The following MICAL2 variants were observed in gnomAD, a reference collection of about 807,000 sequenced individuals.
MICAL2 encodes the protein microtubule associated monooxygenase, calponin and LIM domain containing 2.
Under a neutral mutation model 127.3 loss-of-function variants are expected in MICAL2, and 77 were observed. That is an observed-to-expected ratio of 0.60 (90% CI 0.50 to 0.73). The LOEUF (loss-of-function observed/expected upper bound fraction) is 0.73, where lower values mean the gene tolerates loss of function less well. Among genes scored for constraint, MICAL2 ranks in the 30% least tolerant of loss-of-function variants. The probability of loss-of-function intolerance (pLI) is 0.00; values close to 1 mark genes in which losing one functional copy is unlikely to be tolerated. For missense variants in MICAL2, 1,351 were observed against 1,434.4 expected, an observed-to-expected ratio of 0.94 and a Z score of 0.94; for synonymous variants, 570 against 551.1, an observed-to-expected ratio of 1.03 and a Z score of -0.48.
chr11:12,301,268 G>A (rs983746444), intron 29 of MICAL2, among the ~76,000 whole-genome samples: 6 of 152,218 alleles, frequency 3.9e-5, no homozygotes, highest in Middle Eastern at 3.4e-3. Context: ...GATTTGGGTG[G>A]GTACACAGCC....
chr11:12,257,758 T>C (rs1156915540), intron 24 of MICAL2, among the ~76,000 whole-genome samples: 1 of 152,186 alleles, frequency 6.6e-6, no homozygotes. Flanking sequence ...TGGCATACAG[T>C]CATTCCTATG....
intron 17 of MICAL2, 136 bp from the exon 18 acceptor site, chr11:12,240,904 C>T: frequency 8.6e-7 from 1 of 1,162,714 alleles, no homozygotes; most frequent in Non-Finnish European, 1.2e-6. Flanking sequence ...GGGAGCTCAG[C>T]CCAGTGCTTC....
chr11:12,345,071 C>A (rs1448500306), intron 32 of MICAL2, among the ~76,000 whole-genome samples: 1 of 150,344 alleles, frequency 6.7e-6, no homozygotes, highest in Non-Finnish European at 1.5e-5. Flanking sequence ...GAGATTGCGC[C>A]ACTGCACTCC....
At chr11:12,345,271 T>A (rs1481045279) in intron 32 of MICAL2, among the ~76,000 whole-genome samples, 1 of 152,230 alleles carries the variant, frequency 6.6e-6, no homozygotes, top group Non-Finnish European at 1.5e-5. Context: ...GTAGTGCCAA[T>A]GAACATGACA....
At chr11:12,114,048 C>T (rs975020062) in intron 1 of MICAL2, among the ~76,000 whole-genome samples, 1 of 152,178 alleles carries the variant, frequency 6.6e-6, no homozygotes, top group Admixed American at 6.5e-5. Context: ...GGATGTATTG[C>T]AGTCCTCTCT....
chr11:12,168,448 CCA>C (rs2133854808), intron 3 of MICAL2, among the ~76,000 whole-genome samples: 1 of 151,222 alleles, frequency 6.6e-6, no homozygotes, highest in African/African-American at 2.4e-5. Flanking sequence ...CATACACACA[CCA>C]CACACACGTA....
intron 3 of MICAL2, among the ~76,000 whole-genome samples, chr11:12,194,118 A>G (rs147408178): frequency 3.9e-5 from 6 of 152,332 alleles, no homozygotes; most frequent in Admixed American, 2.0e-4. Context: ...AATGTTTGTC[A>G]TTGGGTAGAT....
chr11:12,354,054 G>A (rs1565313972), intron 33 of MICAL2, among the ~76,000 whole-genome samples: 1 of 152,172 alleles, frequency 6.6e-6, no homozygotes, highest in African/African-American at 2.4e-5. Flanking sequence ...GGTCTGGATG[G>A]CCTTCCAAAG....
chr11:12,219,544 A>G lies in MICAL2; in HGVS notation c.949-657A>G, dbSNP rs1295107920. On this transcript the variant is annotated intron_variant, in intron 8 of 27. Coordinates refer to ENST00000683283, the MANE Select transcript of MICAL2 (RefSeq NM_001282663.2). ...ACTCCATCTCAAAAAAAAAAAAAAA[A>G]AAAAAAAAAAAGCTACGCTGTGAGA... Among the ~76,000 whole-genome samples, 9 of 151,342 alleles carry G rather than the reference A, an allele frequency of 5.9e-5. 1 individual carries two copies. The highest frequency in any genetic ancestry group is 8.9e-5 in the Non-Finnish European group (6 of 67,760).
At chr11:12,361,023 G>C (rs1939197473), downstream of MICAL2, among the ~76,000 whole-genome samples, 1 of 152,122 alleles carries the variant, frequency 6.6e-6, no homozygotes. Flanking sequence ...TTCTTTGTAT[G>C]CAATATGAGT....
intron 20 of MICAL2, 97 bp from the exon 21 acceptor site, chr11:12,243,890 C>A: frequency 6.9e-7 from 1 of 1,457,384 alleles, no homozygotes; most frequent in African/African-American, 1.4e-5. Flanking sequence ...TCTTTGCCTT[C>A]TTGAGTGCAC....
At chr11:12,165,408 G>T (rs111446701) in intron 3 of MICAL2, among the ~76,000 whole-genome samples, 5 of 152,222 alleles carry the variant, frequency 3.3e-5, no homozygotes, top group African/African-American at 1.2e-4. Context: ...GCATCCTTTG[G>T]TGTCATGGTT....
chr11:12,313,161 A>G (rs11022297), intron 29 of MICAL2, among the ~76,000 whole-genome samples: 1 of 128,446 alleles, frequency 7.8e-6, no homozygotes, highest in Non-Finnish European at 1.6e-5. Context: ...GAGCAAGACT[A>G]CATCTCAAAA....
upstream of MICAL2, among the ~76,000 whole-genome samples, chr11:12,272,043 C>T (rs1408089447): frequency 1.3e-5 from 2 of 152,236 alleles, no homozygotes; most frequent in Non-Finnish European, 2.9e-5. Flanking sequence ...GCCCTCCACC[C>T]TCCTGGAGCC....
At chr11:12,260,037 C>G in intron 26 of MICAL2, 140 bp downstream of exon 26, 8 of 1,543,694 alleles carry the variant, frequency 5.2e-6, no homozygotes, top group South Asian at 1.2e-5. Context: ...GCTACATGTA[C>G]GAGCTCCTGA....
At chr11:12,303,213 A>G (rs1195616226) in intron 29 of MICAL2, among the ~76,000 whole-genome samples, 1 of 152,130 alleles carries the variant, frequency 6.6e-6, no homozygotes, top group Non-Finnish European at 1.5e-5. Flanking sequence ...GGGGACATGG[A>G]GCCAAACAAT....
At chr11:12,272,791 C>A (rs941245448), upstream of MICAL2, among the ~76,000 whole-genome samples, 6 of 152,118 alleles carry the variant, frequency 3.9e-5, no homozygotes, top group African/African-American at 1.4e-4. Context: ...CAATCAGGGA[C>A]CCTGACTGAA....
intron 14 of MICAL2, 67 bp from the exon 15 acceptor site, chr11:12,226,958 C>T (rs2134336409): frequency 1.5e-6 from 2 of 1,299,514 alleles, no homozygotes; most frequent in South Asian, 1.2e-5. Flanking sequence ...CAGCCAACAC[C>T]TCCTTGTTAT....
chr11:12,259,129 G>A (rs1352961072), intron 25 of MICAL2, among the ~76,000 whole-genome samples: 1 of 152,082 alleles, frequency 6.6e-6, no homozygotes, highest in Non-Finnish European at 1.5e-5. Context: ...AAATATATAG[G>A]TTCAGTGTAA....
Sources: allele counts gnomAD v4.1 joint callset (sites outside exome capture counted in the v4.1 genomes callset), GRCh38; gene constraint gnomAD v4.1.1; transcripts MANE v1.5; gene names NCBI Gene and HGNC (gene_info 2026-07-23, HGNC 2026-07-21).